Variants in BRD1 observed in about 807,000 individuals in gnomAD.
BRD1 encodes the protein bromodomain-containing protein 1.
Under a neutral mutation model 107.7 loss-of-function variants are expected in BRD1, and 24 were observed. The observed-to-expected ratio is 0.22, with a 90% confidence interval of 0.16 to 0.31. BRD1 has a LOEUF of 0.31. Ranked by LOEUF, BRD1 falls within the 10% of genes least tolerant of loss-of-function variation. The pLI is 1.00. For missense variants in BRD1, 1,279 were observed against 1,638.6 expected, an observed-to-expected ratio of 0.78 and a Z score of 3.79; for synonymous variants, 744 against 686.1, an observed-to-expected ratio of 1.08 and a Z score of -1.32.
chr22:49,816,455 C>A (rs1241193720), intron 2 of BRD1, among the ~76,000 whole-genome samples: 1 of 152,202 alleles, frequency 6.6e-6, no homozygotes, highest in Non-Finnish European at 1.5e-5. Context: ...CTTCCCCACC[C>A]TCTGAGGACG....
intron 8 of BRD1, among the ~76,000 whole-genome samples, chr22:49,786,307 C>T (rs1378802866): frequency 6.6e-6 from 1 of 152,198 alleles, no homozygotes; most frequent in African/African-American, 2.4e-5. Context: ...AAGAAGCAAA[C>T]CGATGACAGC....
Position 49,775,822 on chromosome 22 carries a change from C to T in BRD1, c.3232-77G>A, listed in dbSNP as rs573830687. 2.2e-5 allele frequency: 30 copies of T among 1,367,970 alleles called. 1 individual carries two copies. Among genetic ancestry groups the T allele is most frequent in the East Asian group, 1.8e-4 (7 of 38,560 alleles). 84.7% of individuals were successfully genotyped at this position (1,367,970 alleles called of 1,614,324 possible). On this transcript the variant is annotated intron_variant, in intron 11 of 12. Transcript: ENST00000404760. The stretch of plus-strand genomic sequence containing the variant: ...ACCCCACCTGTCACTGGCACCCCCC[C>T]CCGCCTCCCCACCCCAGCTGTGTGA...
rs778855653 is a variant in BRD1 at position 49,774,261 on chromosome 22, G to A, written c.3542C>T (p.Pro1181Leu). Reference protein sequence around the residue: ...MNHLSRVHGEPTSDLSDID With the variant: ...MNHLSRVHGELTSDLSDID ...GTCAATGTCACTGAGGTCGCTGGTC[G>A]GCTCCCCGTGGACGCGGCTCAGGTG... Residue 1181 changes from proline (P) to leucine (L), a missense_variant, in exon 13 of 13, where the codon CCG becomes CTG. Coordinates refer to ENST00000404760, the MANE Select transcript of BRD1 (RefSeq NM_001304808.3). 3.7e-6 allele frequency: 6 copies of A among 1,614,018 alleles called. No individual in the cohort carries two copies. The highest frequency in any genetic ancestry group is 2.2e-5 in the South Asian group (2 of 91,070).
In BRD1 at chr22:49,823,135, G is replaced by C; in HGVS notation, c.1183C>G (p.Arg395Gly). 1 of 1,614,162 alleles carries C rather than the reference G, an allele frequency of 6.2e-7. No homozygotes were observed. The highest frequency in any genetic ancestry group is 8.5e-7 in the Non-Finnish European group (1 of 1,180,030). ...CDVHTPPGCT[R>G]RPLNIYGDVE... ...TCCCCGTAAATATTCAGAGGCCTCCGGGTGCAGCCTGGAGGCGTGTGGACA... is the reference window on the plus strand; with the variant it reads ...TCCCCGTAAATATTCAGAGGCCTCCCGGTGCAGCCTGGAGGCGTGTGGACA... The change falls in exon 2 of 13, where the codon CGG becomes GGG. Residue 395 changes from arginine (R) to glycine (G), a missense_variant. Around this residue, in one of 7 missense-constraint regions of BRD1, gnomAD observed 158 missense variants for 310.2 expected, o/e 0.51. Coordinates refer to ENST00000404760, the MANE Select transcript of BRD1 (RefSeq NM_001304808.3).
At chr22:49,800,808 A>G (rs1282799163) in intron 3 of BRD1, among the ~76,000 whole-genome samples, 1 of 152,238 alleles carries the variant, frequency 6.6e-6, no homozygotes, top group African/African-American at 2.4e-5. Flanking sequence ...AAAGGACAGA[A>G]GTGAAGAAGC....
chr22:49,787,446 C>T lies in BRD1; in HGVS notation c.2801G>A (p.Ser934Asn). Residue 934 changes from serine (S) to asparagine (N), a missense_variant, in exon 8 of 13, where the codon AGC becomes AAC. Ser to Asn is a conservative substitution (Grantham distance 46, BLOSUM62 1). Coordinates refer to ENST00000404760, the MANE Select transcript of BRD1 (RefSeq NM_001304808.3). ...CTCCACCTCGGAGTCTCCGCATGTG[C>T]TCCGCGACCTTTTCCTTGGCTGCAG... is the stretch of plus-strand genomic sequence containing the variant. ...TLLQPRKRSRSTCGDSEVEEE... is the reference protein window; with the variant it reads ...TLLQPRKRSRNTCGDSEVEEE... The T allele has an allele frequency of 6.2e-7, 1 of 1,614,206 alleles. No homozygotes were observed. Among genetic ancestry groups the T allele is most frequent in the Non-Finnish European group, 8.5e-7 (1 of 1,180,050 alleles).
rs113168424 is a variant in BRD1 at position 49,785,417 on chromosome 22, A to G, written c.2857+1973T>C. ...GGAAGTGGAGCGTCAGCCGAACTCC[A>G]AGTTCTGCATGCAGAGGGGACGCCC... On this transcript the variant is annotated intron_variant, in intron 8 of 12. Coordinates refer to ENST00000404760, the MANE Select transcript of BRD1 (RefSeq NM_001304808.3). Among the ~76,000 whole-genome samples, 253 of 152,352 alleles carry G rather than the reference A, an allele frequency of 1.7e-3. 1 individual carries two copies. Among genetic ancestry groups the G allele is most frequent in the African/African-American group, 5.5e-3 (229 of 41,600 alleles).
intron 2 of BRD1, chr22:49,806,603 G>A (rs1421936450): frequency 6.6e-6 from 1 of 152,302 alleles, no homozygotes; most frequent in East Asian, 1.9e-4. Context: ...CAGTCCCTGA[G>A]GGCTGGGTGG....
intron 2 of BRD1, chr22:49,807,309 C>A (rs1357160281): frequency 6.6e-6 from 1 of 152,132 alleles, no homozygotes; most frequent in Non-Finnish European, 1.5e-5. Flanking sequence ...TCAAGGAACA[C>A]CCAACAGCCA....
At chr22:49,812,770 C>T (rs2059874424) in intron 2 of BRD1, among the ~76,000 whole-genome samples, 6 of 152,180 alleles carry the variant, frequency 3.9e-5, no homozygotes, top group Admixed American at 3.9e-4. Context: ...GAACCAAGGA[C>T]CTCACACGCC....
chr22:49,794,740 T>G (rs974076136), intron 6 of BRD1, among the ~76,000 whole-genome samples: 1 of 152,236 alleles, frequency 6.6e-6, no homozygotes, highest in Non-Finnish European at 1.5e-5. Flanking sequence ...ATGTGTTAAG[T>G]TAGGGCCATT....
chr22:49,778,524 A>G (rs2059143636), intron 8 of BRD1, among the ~76,000 whole-genome samples: 1 of 152,202 alleles, frequency 6.6e-6, no homozygotes, highest in Non-Finnish European at 1.5e-5. Flanking sequence ...TTTCCCCCTA[A>G]AAATCCTGAC....
intron 8 of BRD1, 75 bp from the exon 9 acceptor site, chr22:49,777,888 T>C: frequency 6.7e-7 from 1 of 1,494,170 alleles, no homozygotes; most frequent in East Asian, 2.4e-5. Context: ...GACGTTACAC[T>C]TGGAACACAT....
At chr22:49,781,102 G>GA (rs1336727781) in intron 8 of BRD1, among the ~76,000 whole-genome samples, 1 of 152,122 alleles carries the variant, frequency 6.6e-6, no homozygotes, top group African/African-American at 2.4e-5. Flanking sequence ...ATCAACACAG[G>GA]AGCTGCACGG....
Position 49,775,578 on chromosome 22 carries a change from C to T in BRD1, c.3386+13G>A. On this transcript the variant is annotated intron_variant, in intron 12 of 12. Coordinates refer to ENST00000404760, the MANE Select transcript of BRD1 (RefSeq NM_001304808.3). ...CCCAGCCGGTCCCCGGAGTCTAAGG[C>T]CTCTCAACTCACCAACTTCTCTTAT... is the stretch of plus-strand genomic sequence containing the variant. 2.5e-6 allele frequency: 4 copies of T among 1,595,490 alleles called. No individual in the cohort carries two copies. Among genetic ancestry groups the T allele is most frequent in the Non-Finnish European group, 3.4e-6 (4 of 1,171,150 alleles).
chr22:49,826,169 G>A (rs149844368), intron 1 of BRD1: 5 of 985,418 alleles, frequency 5.1e-6, no homozygotes, highest in Non-Finnish European at 6.0e-6. Context: ...AAACGAACCT[G>A]TCATTTTCCC....
rs148703635 is a variant in BRD1, at chr22:49,814,875, G to C, written c.1367+8076C>G. 1.7e-3 allele frequency among the ~76,000 whole-genome samples: 255 copies of C among 152,352 alleles called. 1 individual carries two copies. The highest frequency in any genetic ancestry group is 5.9e-3 in the African/African-American group (246 of 41,576). ...TAAGTAAATATGGTGAAAGTGAAGA[G>C]AGACAGAAATCAGCTACACTGTGGT... On this transcript the variant is annotated intron_variant, in intron 2 of 12. Coordinates refer to ENST00000404760, the MANE Select transcript of BRD1 (RefSeq NM_001304808.3).
At chr22:49,794,392 C>T (rs2059492290) in intron 6 of BRD1, 98 bp from the exon 7 acceptor site, 1 of 1,477,546 alleles carries the variant, frequency 6.8e-7, no homozygotes, top group Non-Finnish European at 9.1e-7. Context: ...GGCCAAGGCC[C>T]TGAGAGTGGC....
intron 2 of BRD1, among the ~76,000 whole-genome samples, chr22:49,821,710 C>A (rs544647300): frequency 6.6e-6 from 1 of 152,156 alleles, no homozygotes; most frequent in Non-Finnish European, 1.5e-5. Flanking sequence ...CCCGATGCAG[C>A]TCAGCCTGCA....
Sources: gnomAD v4.1 joint callset for allele counts (sites outside exome capture counted in the v4.1 genomes callset) on GRCh38, gnomAD v4.1.1 for gene constraint, gnomAD v4.1.1 regional missense constraint, MANE v1.5 for transcripts, NCBI Gene and HGNC (gene_info 2026-07-23, HGNC 2026-07-21) for gene names.